The following GDPD4 variants were observed in gnomAD, a reference collection of about 807,000 sequenced individuals.
The protein encoded by GDPD4 is glycerophosphodiester phosphodiesterase domain containing 4, also known as glycerophosphodiester phosphodiesterase 6.
A neutral mutation model predicts 67.8 loss-of-function variants in GDPD4; 60 were observed. The ratio of observed to expected loss-of-function variants is 0.88; its 90% CI spans 0.72 to 1.10. GDPD4 has a LOEUF of 1.10. Among genes scored for constraint, GDPD4 ranks in the 50% least tolerant of loss-of-function variants. GDPD4 has a pLI of 0.00. For missense variants in GDPD4, 623 were observed against 613.9 expected (o/e 1.01, Z -0.16); for synonymous variants, 212 against 210.9 (o/e 1.00, Z -0.04).
At chr11:77,301,008 T>C (rs753204301) in intron 1 of GDPD4, among the ~76,000 whole-genome samples, 3 of 151,352 alleles carry the variant, frequency 2.0e-5, no homozygotes, top group Non-Finnish European at 4.4e-5. Context: ...ACCAGAATAA[T>C]TACCACCACC....
Position 77,233,008 on chromosome 11 carries a change from C to G in GDPD4, c.1389+17G>C. ...ATCATACCAAGCCTGGAAGAACAAT[C>G]TGGACAACCAGCTCACCATGAAGAA... On this transcript the variant is annotated intron_variant, in intron 14 of 16. Coordinates refer to ENST00000315938, the MANE Select transcript of GDPD4 (RefSeq NM_182833.3). The G allele has an allele frequency of 1.2e-6, 2 of 1,613,230 alleles. No homozygotes were observed. Among genetic ancestry groups the G allele is most frequent in the Non-Finnish European group, 1.7e-6 (2 of 1,179,318 alleles).
rs12808848 is a variant in GDPD4 at position 77,257,633 on chromosome 11, T to C, written c.864+753A>G. ...GATAATCTCTGAAACACATCATCAT[T>C]ACTGCCCTTGCTTCCCCTTGGTAAT... On this transcript the variant is annotated intron_variant, in intron 11 of 16. Coordinates refer to ENST00000315938, the MANE Select transcript of GDPD4 (RefSeq NM_182833.3). 1.0e-4 allele frequency among the ~76,000 whole-genome samples: 15 copies of C among 149,416 alleles called. 1 individual carries two copies. The South Asian group carries it at 2.0e-3, about 20-fold the overall frequency.
chr11:77,226,196 C>A (rs1197220446), intron 16 of GDPD4, among the ~76,000 whole-genome samples: 1 of 152,056 alleles, frequency 6.6e-6, no homozygotes, highest in Non-Finnish European at 1.5e-5. Flanking sequence ...ACTTCTTTCC[C>A]AGCCATGTTT....
At chr11:77,235,007 C>CTTTTTTTTTT (rs1406558580) in intron 13 of GDPD4, among the ~76,000 whole-genome samples, 8 of 32,924 alleles carry the variant, frequency 2.4e-4, no homozygotes, top group Admixed American at 4.0e-4. Flanking sequence ...TTGTCAATAT[C>CTTTTTTTTTT]TGTTTTTTTT....
chr11:77,230,898 A>G (rs1483241534), intron 14 of GDPD4, among the ~76,000 whole-genome samples: 4 of 152,168 alleles, frequency 2.6e-5, no homozygotes, highest in Admixed American at 6.5e-5. Context: ...AGAACTTTGA[A>G]AAGTCCATGT....
chr11:77,275,450 T>A (rs1178677315), intron 5 of GDPD4, among the ~76,000 whole-genome samples: 2 of 152,090 alleles, frequency 1.3e-5, no homozygotes, highest in East Asian at 1.9e-4. Flanking sequence ...AAAAAAGAAA[T>A]TTCAGGGGGC....
intron 3 of GDPD4, 137 bp from the exon 4 acceptor site, chr11:77,279,536 C>CTTTTTTTTTTTTTTTTTT (rs1358965973): frequency 8.6e-5 from 45 of 525,846 alleles, no homozygotes; most frequent in Non-Finnish European, 1.3e-4. Context: ...TGAACAGCAG[C>CTTTTTTTTTTTTTTTTTT]TTTTGCGGAT....
chr11:77,222,706 G>A (rs1958251268), intron 16 of GDPD4, among the ~76,000 whole-genome samples: 2 of 152,098 alleles, frequency 1.3e-5, no homozygotes, highest in Admixed American at 1.3e-4. Flanking sequence ...ACAATTATGT[G>A]TCCTGGGGTT....
At position 77,258,479 on chromosome 11, in the gene GDPD4, T is replaced by C; in HGVS notation, c.771A>G (p.Glu257=). Residue 257 remains glutamate (E), a synonymous_variant, in exon 11 of 17, where the codon GAA becomes GAG. Coordinates refer to ENST00000315938, the MANE Select transcript of GDPD4 (RefSeq NM_182833.3). ...FDLKRTTNIG[E]VQPESACENP... is the part of the protein sequence containing the mutation. Reference sequence around the variant, plus strand: ...TCTCGCAGGCAGATTCTGGCTGAACTTCCCCAATATTGGTTGTTCTTTTCA... The same window carrying C: ...TCTCGCAGGCAGATTCTGGCTGAACCTCCCCAATATTGGTTGTTCTTTTCA... 2 of 1,614,058 alleles carry C rather than the reference T, an allele frequency of 1.2e-6. No homozygotes were observed. The highest frequency in any genetic ancestry group is 1.7e-6 in the Non-Finnish European group (2 of 1,179,920).
intron 14 of GDPD4, among the ~76,000 whole-genome samples, chr11:77,232,380 A>G (rs912150452): frequency 1.3e-5 from 2 of 152,326 alleles, no homozygotes; most frequent in South Asian, 4.1e-4. Flanking sequence ...CTCTGTACAG[A>G]TAAGAACAAG....
At chr11:77,241,800 T>C (rs1170867759) in intron 13 of GDPD4, among the ~76,000 whole-genome samples, 1 of 151,764 alleles carries the variant, frequency 6.6e-6, no homozygotes, top group African/African-American at 2.4e-5. Context: ...GAAAATTAGC[T>C]GGGCATGGTG....
intron 1 of GDPD4, among the ~76,000 whole-genome samples, chr11:77,291,372 T>C (rs1031732476): frequency 1.3e-5 from 2 of 152,040 alleles, no homozygotes; most frequent in African/African-American, 4.8e-5. Context: ...GGGAAGGACA[T>C]GGGGTTGCAG....
chr11:77,288,971 T>G (rs1449121358), intron 1 of GDPD4, among the ~76,000 whole-genome samples: 1 of 149,602 alleles, frequency 6.7e-6, no homozygotes, highest in East Asian at 2.0e-4. Context: ...GTTCAGAACC[T>G]GAAGACAAGT....
chr11:77,275,021 C>A (rs1175324750), intron 5 of GDPD4, among the ~76,000 whole-genome samples: 1 of 152,044 alleles, frequency 6.6e-6, no homozygotes, highest in Non-Finnish European at 1.5e-5. Flanking sequence ...TATAAAATAG[C>A]TTCAAAATAG....
chr11:77,256,070 G>A (rs1958998600), intron 11 of GDPD4, among the ~76,000 whole-genome samples: 1 of 152,058 alleles, frequency 6.6e-6, no homozygotes. Flanking sequence ...TTCCAATAAC[G>A]ACCAAGAAAA....
At chr11:77,239,638 A>C (rs1181517303) in intron 13 of GDPD4, among the ~76,000 whole-genome samples, 2 of 152,150 alleles carry the variant, frequency 1.3e-5, no homozygotes, top group Admixed American at 6.5e-5. Context: ...AAGGAGGTGA[A>C]AGATCTGTAC....
intron 13 of GDPD4, among the ~76,000 whole-genome samples, chr11:77,233,679 G>A (rs900597392): frequency 1.9e-4 from 29 of 152,018 alleles, no homozygotes; most frequent in African/African-American, 4.8e-4. Context: ...TTATCACCCC[G>A]TACTCGAATG....
At chr11:77,226,779 G>T (rs149632952) in intron 16 of GDPD4, among the ~76,000 whole-genome samples, 1 of 152,094 alleles carries the variant, frequency 6.6e-6, no homozygotes, top group Non-Finnish European at 1.5e-5. Context: ...ACTTGAGGTC[G>T]CCCTGCCTCA....
intron 11 of GDPD4, among the ~76,000 whole-genome samples, chr11:77,253,292 T>C (rs1958941165): frequency 6.6e-6 from 1 of 152,170 alleles, no homozygotes. Context: ...CAGGGCTCAG[T>C]GGCAGCTTGG....
Sources: gnomAD v4.1 joint callset for allele counts (sites outside exome capture counted in the v4.1 genomes callset) on GRCh38, gnomAD v4.1.1 for gene constraint, MANE v1.5 for transcripts, NCBI Gene and HGNC (gene_info 2026-07-23, HGNC 2026-07-21) for gene names.